The following TTF2 variants were observed in gnomAD, a reference collection of about 807,000 sequenced individuals.
TTF2 encodes the protein RNA polymerase II termination factor.
TTF2 carries 108 observed loss-of-function variants against 142.4 expected under a neutral mutation model. The ratio of observed to expected loss-of-function variants is 0.76; its 90% CI spans 0.65 to 0.89. TTF2 has a LOEUF of 0.89. TTF2 is among the 40% of genes least tolerant of loss of function. The probability of loss-of-function intolerance (pLI) is 0.00; values close to 1 mark genes in which losing one functional copy is unlikely to be tolerated. For missense variants in TTF2, 1,327 were observed against 1,379.8 expected, an observed-to-expected ratio of 0.96 and a Z score of 0.61; for synonymous variants, 483 against 506.2, an observed-to-expected ratio of 0.95 and a Z score of 0.61.
Position 117,099,011 on chromosome 1 carries a change from G to A in TTF2, c.3344+104G>A. ...CATAGAATTTAAAGTATTTGGTGAT[G>A]ACTTTACTGATGATGCCCCTGAGGC... On this transcript the variant is annotated intron_variant, in intron 22 of 22. Transcript: ENST00000369466. This position sits in a 1 kb window ranked among gnomAD's most constrained non-coding sequence, Gnocchi z 4.3. 1 of 1,103,220 alleles carries A rather than the reference G, an allele frequency of 9.1e-7. No homozygotes were observed. Among genetic ancestry groups the A allele is most frequent in the Admixed American group, 2.4e-5 (1 of 42,404 alleles). 68.3% of individuals were successfully genotyped at this position (1,103,220 alleles called of 1,614,324 possible).
chr1:117,095,387 A>G lies in TTF2; in HGVS notation c.3035+20A>G, dbSNP rs774684903. 6.2e-6 allele frequency: 10 copies of G among 1,611,422 alleles called. No individual in the cohort carries two copies. On this transcript the variant is annotated intron_variant, in intron 19 of 22. Coordinates refer to ENST00000369466, the MANE Select transcript of TTF2 (RefSeq NM_003594.4). ...AAAGAGGTAACTGCGTTTTCTCATT[A>G]TCCAAGTATTGGTCATAATTATGTG...
chr1:117,060,562 G>A lies in TTF2; in HGVS notation c.131+5G>A. On this transcript the variant is annotated splice_donor_5th_base_variant and intron_variant, in intron 2 of 22. Coordinates refer to ENST00000369466, the MANE Select transcript of TTF2 (RefSeq NM_003594.4). ...CAGCTTCGTGCGGGCCACCGAGTAG[G>A]TCTGGAGCTGGGCCCCACTCCCTGT... The A allele has an allele frequency of 1.2e-6, 2 of 1,603,778 alleles. No homozygotes were observed. The highest frequency in any genetic ancestry group is 1.7e-6 in the Non-Finnish European group (2 of 1,174,440).
intron 3 of TTF2, among the ~76,000 whole-genome samples, chr1:117,065,928 G>T (rs1656068446): frequency 6.8e-6 from 1 of 146,782 alleles, no homozygotes; most frequent in Non-Finnish European, 1.5e-5. Flanking sequence ...AGATTAGAAA[G>T]TGAAAATAGG....
rs1188544459 is a variant in TTF2, at chr1:117,097,228, C to A, written c.3187-123C>A. On this transcript the variant is annotated intron_variant, in intron 20 of 22. Transcript: ENST00000369466. This position sits in a 1 kb window ranked among gnomAD's most constrained non-coding sequence, Gnocchi z 4.1. ...TGTTAAAAAAAAAAACAATTTATAACAGCAGAAGGAAATTTGATAGGAACA... is the reference window on the plus strand; with the variant it reads ...TGTTAAAAAAAAAAACAATTTATAAAAGCAGAAGGAAATTTGATAGGAACA... 7 of 799,784 alleles carry A rather than the reference C, an allele frequency of 8.8e-6. 1 individual carries two copies. Among genetic ancestry groups the A allele is most frequent in the African/African-American group, 3.5e-5 (2 of 57,154 alleles). The allele number at this position is 799,784 out of a possible 1,614,324, so 49.5% of individuals were successfully genotyped here. A position where few individuals can be genotyped will look rare whatever the true frequency, so the allele number is the denominator to read the frequency against.
Position 117,090,033 on chromosome 1 carries a change from C to T in TTF2, c.2343-22C>T. The stretch of plus-strand genomic sequence containing the variant: ...CTGACTTTTCCTTCCCTACTCTGTG[C>T]CCTTCTTCCTCAACAAAAAAGGTTT... On this transcript the variant is annotated intron_variant, in intron 13 of 22. Transcript: ENST00000369466. This position sits in a 1 kb window ranked among gnomAD's most constrained non-coding sequence, Gnocchi z 4.8. 2 of 1,609,032 alleles carry T rather than the reference C, an allele frequency of 1.2e-6. No homozygotes were observed. Among genetic ancestry groups the T allele is most frequent in the Non-Finnish European group, 1.7e-6 (2 of 1,177,278 alleles).
chr1:117,063,272 A>G lies in TTF2; in HGVS notation c.218+799A>G, dbSNP rs1655828928. 6.6e-6 allele frequency among the ~76,000 whole-genome samples: 1 copy of G among 152,180 alleles called. No homozygotes were observed. The highest frequency in any genetic ancestry group is 6.5e-5 in the Admixed American group (1 of 15,280). On this transcript the variant is annotated intron_variant, in intron 3 of 22. Transcript: ENST00000369466. This position sits in a 1 kb window ranked among gnomAD's most constrained non-coding sequence, Gnocchi z 4.1. ...TTAATTTAGTTATATGTATAGTAAGATACACAAGTCTTAAGATTTCAACCA... is the reference window on the plus strand; with the variant it reads ...TTAATTTAGTTATATGTATAGTAAGGTACACAAGTCTTAAGATTTCAACCA...
rs544446177 is a variant in TTF2 at position 117,101,691 on chromosome 1, A to G, written c.*167A>G. 271 of 683,982 alleles carry G rather than the reference A, an allele frequency of 4.0e-4. 2 individuals carry two copies. The highest frequency in any genetic ancestry group is 1.2e-3 in the South Asian group (26 of 20,882). 42.4% of individuals were successfully genotyped at this position (683,982 alleles called of 1,614,324 possible). The stretch of plus-strand genomic sequence containing the variant: ...CATAATCTTATCCCCAGAATTGAGG[A>G]GGGGTTGTGTTAACCAATTAGTTAA... On this transcript the variant is annotated 3_prime_UTR_variant, in exon 23 of 23. Coordinates refer to ENST00000369466, the MANE Select transcript of TTF2 (RefSeq NM_003594.4). This position sits in a 1 kb window ranked among gnomAD's most constrained non-coding sequence, Gnocchi z 5.9.
Position 117,092,939 on chromosome 1 carries a change from G to T in TTF2, c.2976+38G>T. 2 of 1,607,460 alleles carry T rather than the reference G, an allele frequency of 1.2e-6. No individual in the cohort carries two copies. Among genetic ancestry groups the T allele is most frequent in the South Asian group, 1.1e-5 (1 of 90,238 alleles). On this transcript the variant is annotated intron_variant, in intron 18 of 22. Coordinates refer to ENST00000369466, the MANE Select transcript of TTF2 (RefSeq NM_003594.4). This position sits in a 1 kb window ranked among gnomAD's most constrained non-coding sequence, Gnocchi z 4.4. ...TCCTCTGTAGTAGTCGAGAGACTTC[G>T]ATTCCTCACACATTTTCCTGTGTGA...
rs1648681662 is a variant in TTF2 at position 117,092,540 on chromosome 1, T to C, written c.2806-191T>C. ...GGCAAGTCTTTAAAAAGTTCCATCA[T>C]TTGGTTTATCTTTAATGTGGTGAAA... On this transcript the variant is annotated intron_variant, in intron 17 of 22. Coordinates refer to ENST00000369466, the MANE Select transcript of TTF2 (RefSeq NM_003594.4). This position sits in a 1 kb window ranked among gnomAD's most constrained non-coding sequence, Gnocchi z 4.4. 6.6e-6 allele frequency among the ~76,000 whole-genome samples: 1 copy of C among 152,230 alleles called. No homozygotes were observed. The highest frequency in any genetic ancestry group is 2.1e-4 in the South Asian group (1 of 4,832).
chr1:117,068,520 G>A (rs529679808), intron 3 of TTF2, among the ~76,000 whole-genome samples: 3 of 148,086 alleles, frequency 2.0e-5, no homozygotes, highest in Non-Finnish European at 4.4e-5. Flanking sequence ...TTGTGCACAT[G>A]TACCCTAGAA....
At position 117,093,497 on chromosome 1, in the gene TTF2, A is replaced by T. The variant is rs1206160309; in HGVS notation, c.2976+596A>T. Among the ~76,000 whole-genome samples the T allele has an allele frequency of 6.6e-6, 1 of 152,154 alleles. No homozygotes were observed. Among genetic ancestry groups the T allele is most frequent in the Non-Finnish European group, 1.5e-5 (1 of 68,022 alleles). On this transcript the variant is annotated intron_variant, in intron 18 of 22. Coordinates refer to ENST00000369466, the MANE Select transcript of TTF2 (RefSeq NM_003594.4). This position sits in a 1 kb window ranked among gnomAD's most constrained non-coding sequence, Gnocchi z 4.5. ...CATCATCCTGCCTGTCTTGAAAGTG[A>T]GGCTTGTTTCTCTCTTAGCATCTCA...
At chr1:117,083,984 T>C (rs762370544) in intron 10 of TTF2, 34 bp from the exon 11 acceptor site, 8 of 1,611,140 alleles carry the variant, frequency 5.0e-6, no homozygotes, top group Non-Finnish European at 6.8e-6. Context: ...ATTTGGTGAA[T>C]GTAACTAGGC....
chr1:117,091,396 A>G lies in TTF2; in HGVS notation c.2657A>G (p.Asn886Ser). The G allele has an allele frequency of 6.2e-7, 1 of 1,613,468 alleles. No homozygotes were observed. The change falls in exon 16 of 23, where the codon AAT becomes AGT. Residue 886 changes from asparagine to serine, a missense_variant. Transcript: ENST00000369466. ...RGNQSGRSPN[N>S]PFSRVALEFG... ...AACCAATCTGGAAGAAGCCCTAATAATCCATTCAGTAGAGGTAAGCTGTAG... is the reference window on the plus strand; with the variant it reads ...AACCAATCTGGAAGAAGCCCTAATAGTCCATTCAGTAGAGGTAAGCTGTAG...
rs1314319994 is a variant in TTF2, at chr1:117,104,228, CA to C, written c.*2705del. The C allele has an allele frequency of 6.6e-6, 1 of 152,210 alleles. No homozygotes were observed. Among genetic ancestry groups the C allele is most frequent in the Non-Finnish European group, 1.5e-5 (1 of 68,034 alleles). 9.4% of individuals were successfully genotyped at this position (152,210 alleles called of 1,614,324 possible). A position where few individuals can be genotyped will look rare whatever the true frequency, so the allele number is the denominator to read the frequency against. On this transcript the variant is annotated 3_prime_UTR_variant, in exon 23 of 23. Transcript: ENST00000369466. The stretch of plus-strand genomic sequence containing the variant: ...TTGCTGATTGATATTAGGCAAGTTG[CA>C]GATTCCTTGGACATCTCAATCCTTT...
In TTF2 at chr1:117,091,364, T is replaced by C; in HGVS notation, c.2625T>C (p.Ser875=). Residue 875 remains serine (S), a synonymous_variant, in exon 16 of 23, where the codon AGT becomes AGC. Transcript: ENST00000369466. ...ALQSYLKRHE[S]RGNQSGRSPN... is the part of the protein sequence containing the mutation. The stretch of plus-strand genomic sequence containing the variant: ...AATCCTATCTAAAAAGACATGAAAG[T>C]AGAGGCAACCAATCTGGAAGAAGCC... 6.2e-7 allele frequency: 1 copy of C among 1,613,404 alleles called. No homozygotes were observed. The highest frequency in any genetic ancestry group is 1.1e-5 in the South Asian group (1 of 90,966).
In TTF2 at chr1:117,087,576, AGCCACCATGCCTG is replaced by A. The variant is rs1184894573; in HGVS notation, c.2160+1059_2160+1071del. Among the ~76,000 whole-genome samples the A allele has an allele frequency of 3.3e-5, 5 of 152,172 alleles. No homozygotes were observed. The highest frequency in any genetic ancestry group is 1.2e-4 in the African/African-American group (5 of 41,448). ...CCAAAGTGCTGGGATTATAGGCATGAGCCACCATGCCTGGCCATATTAGGCTCTTTATGATCTT... is the reference window on the plus strand; with the variant it reads ...CCAAAGTGCTGGGATTATAGGCATGAGCCATATTAGGCTCTTTATGATCTT... On this transcript the variant is annotated intron_variant, in intron 12 of 22. Transcript: ENST00000369466. The surrounding 1 kb of genome is among the most constrained non-coding windows in gnomAD (Gnocchi z 4.8).
At position 117,075,592 on chromosome 1, in the gene TTF2, A is replaced by G; in HGVS notation, c.1008A>G (p.Ala336=). ...CAGCGGCTCAGGCTGCACCAGCAGCACCAGGGCTTTCCCTGGGTGAGGGCC... is the reference window on the plus strand; with the variant it reads ...CAGCGGCTCAGGCTGCACCAGCAGCGCCAGGGCTTTCCCTGGGTGAGGGCC... ...GGPAAQAAPA[A]PGLSLGEGRE... The change falls in exon 5 of 23, where the codon GCA becomes GCG. Residue 336 remains alanine (A), a synonymous_variant. Coordinates refer to ENST00000369466, the MANE Select transcript of TTF2 (RefSeq NM_003594.4). The surrounding 1 kb of genome is among the most constrained non-coding windows in gnomAD (Gnocchi z 4.5). 6.2e-7 allele frequency: 1 copy of G among 1,614,188 alleles called. No homozygotes were observed. Among genetic ancestry groups the G allele is most frequent in the Non-Finnish European group, 8.5e-7 (1 of 1,180,034 alleles).
chr1:117,096,019 T>G (rs1215996585), intron 19 of TTF2, 130 bp from the exon 20 acceptor site: 4 of 920,414 alleles, frequency 4.3e-6, no homozygotes, highest in Non-Finnish European at 6.6e-6. Context: ...CCTTCTCCCT[T>G]AGGTAGCAGA....
Position 117,092,951 on chromosome 1 carries a change from AT to A in TTF2, c.2976+54del. ...GTCGAGAGACTTCGATTCCTCACAC[AT>A]TTTCCTGTGTGACAGCACTTCATTT... is the stretch of plus-strand genomic sequence containing the variant. On this transcript the variant is annotated intron_variant, in intron 18 of 22. Coordinates refer to ENST00000369466, the MANE Select transcript of TTF2 (RefSeq NM_003594.4). This position sits in a 1 kb window ranked among gnomAD's most constrained non-coding sequence, Gnocchi z 4.4. 6.2e-7 allele frequency: 1 copy of A among 1,600,378 alleles called. No individual in the cohort carries two copies. The highest frequency in any genetic ancestry group is 8.5e-7 in the Non-Finnish European group (1 of 1,171,266).
Sources: gnomAD v4.1 joint callset for allele counts (sites outside exome capture counted in the v4.1 genomes callset) on GRCh38, gnomAD v4.1.1 for gene constraint, Gnocchi (gnomAD v3.1) non-coding constraint, MANE v1.5 for transcripts, NCBI Gene and HGNC (gene_info 2026-07-23, HGNC 2026-07-21) for gene names.